The following PIK3R5 variants were observed in gnomAD, a reference collection of about 807,000 sequenced individuals.
The protein encoded by PIK3R5 is phosphoinositide-3-kinase regulatory subunit 5.
In PIK3R5, 32 loss-of-function variants were observed where a neutral mutation model predicts 94.9. The observed-to-expected ratio is 0.34, with a 90% CI of 0.25 to 0.45. The LOEUF is 0.45. Among genes scored for constraint, PIK3R5 ranks in the 20% least tolerant of loss-of-function variants. The pLI, the probability that PIK3R5 is intolerant of heterozygous loss-of-function variation, is 1.00. For synonymous variants in PIK3R5, 443 were observed against 479.4 expected (o/e 0.92, Z 0.99); for missense variants, 853 against 1,144.6 (o/e 0.75, Z 3.68).
intron 6 of PIK3R5, among the ~76,000 whole-genome samples, chr17:8,891,794 C>T (rs895640737): frequency 6.6e-6 from 1 of 151,324 alleles, no homozygotes; most frequent in African/African-American, 2.4e-5. Flanking sequence ...TTAGTAGAGA[C>T]AGGGTTTCAA....
At position 8,888,047 on chromosome 17, in the gene PIK3R5, T is replaced by TAATAATAAA. The variant is rs1298718164; in HGVS notation, c.1616+123_1616+124insTTTATTATT. The TAATAATAAA allele has an allele frequency of 1.1e-4, 32 of 304,526 alleles. No individual in the cohort carries two copies. Among genetic ancestry groups the TAATAATAAA allele is most frequent in the African/African-American group, 1.7e-4 (7 of 41,344 alleles). The allele number at this position is 304,526 out of a possible 1,614,324, so 18.9% of individuals were successfully genotyped here. On this transcript the variant is annotated intron_variant, in intron 10 of 18. Transcript: ENST00000447110. The surrounding 1 kb of genome is among the most constrained non-coding windows in gnomAD (Gnocchi z 7.8). ...ATAATAATAATAATAATAATAATAA[T>TAATAATAAA]AAAATAAAAATAAATAAGGGAACTT...
Position 8,888,747 on chromosome 17 carries a change from A to G in PIK3R5, c.1040T>C (p.Leu347Pro). Residue 347 changes from leucine (L) to proline (P), a missense_variant, in exon 10 of 19, where the codon CTC becomes CCC. Physicochemically the swap from Leu to Pro is moderately conservative, Grantham distance 98 (BLOSUM62 -3). This residue lies in a region of PIK3R5 where 161 missense variants were observed against 249.5 expected (regional missense o/e 0.65). Transcript: ENST00000447110. The surrounding 1 kb of genome is among the most constrained non-coding windows in gnomAD (Gnocchi z 7.8). ...DGHCAERDSLLSTSSLASHDS... is the reference protein window; with the variant it reads ...DGHCAERDSLPSTSSLASHDS... ...ATGGGACGCCAAAGAGCTGGTGGAG[A>G]GCAGGGAATCTCTCTCGGCACAGTG... The G allele has an allele frequency of 6.2e-7, 1 of 1,613,628 alleles. No homozygotes were observed. Among genetic ancestry groups the G allele is most frequent in the Non-Finnish European group, 8.5e-7 (1 of 1,180,006 alleles).
chr17:8,952,249 C>A (rs2091389273), intron 1 of PIK3R5, among the ~76,000 whole-genome samples: 1 of 152,236 alleles, frequency 6.6e-6, no homozygotes, highest in South Asian at 2.1e-4. Context: ...TCCAATCCAA[C>A]AGAGAAACCA....
At chr17:8,929,191 A>G (rs2090943769) in intron 1 of PIK3R5, among the ~76,000 whole-genome samples, 1 of 152,226 alleles carries the variant, frequency 6.6e-6, no homozygotes. Context: ...AAAATAGCAG[A>G]CTTGAGCCCT....
intron 1 of PIK3R5, among the ~76,000 whole-genome samples, chr17:8,921,847 G>A (rs2090754312): frequency 6.6e-6 from 1 of 152,070 alleles, no homozygotes; most frequent in African/African-American, 2.4e-5. Flanking sequence ...ATTGGGGGAA[G>A]CTTCATCACA....
At chr17:8,897,821 A>C (rs366259) in intron 5 of PIK3R5, among the ~76,000 whole-genome samples, 112,420 of 152,082 alleles carry the variant, frequency 0.74, 42,811 homozygotes, top group African/African-American at 0.93. Context: ...GAAGATGGTG[A>C]CTTTTGCCAA....
intron 1 of PIK3R5, among the ~76,000 whole-genome samples, chr17:8,961,481 A>C (rs2091562991): frequency 6.6e-6 from 1 of 152,148 alleles, no homozygotes; most frequent in Non-Finnish European, 1.5e-5. Flanking sequence ...CTAAAAATAC[A>C]AAAATTAGCC....
chr17:8,880,525 T>C lies in PIK3R5; in HGVS notation c.*114A>G. On this transcript the variant is annotated 3_prime_UTR_variant, in exon 19 of 19. Coordinates refer to ENST00000447110, the MANE Select transcript of PIK3R5 (RefSeq NM_001142633.3). ...CCCCTGCTCATTGCAGGACCCACAG[T>C]GGGACTATGGCTCTGCACAGGGCCA... 1.8e-6 allele frequency: 2 copies of C among 1,082,660 alleles called. No individual in the cohort carries two copies. The highest frequency in any genetic ancestry group is 1.9e-5 in the South Asian group (1 of 53,184). 67.1% of individuals were successfully genotyped at this position (1,082,660 alleles called of 1,614,324 possible). A position where few individuals can be genotyped will look rare whatever the true frequency, so the allele number is the denominator to read the frequency against.
chr17:8,881,528 C>T lies in PIK3R5; in HGVS notation c.2382+102G>A, dbSNP rs2089658442. 1.1e-6 allele frequency: 1 copy of T among 886,046 alleles called. No individual in the cohort carries two copies. The allele number at this position is 886,046 out of a possible 1,614,324, so 54.9% of individuals were successfully genotyped here. On this transcript the variant is annotated intron_variant, in intron 17 of 18. Coordinates refer to ENST00000447110, the MANE Select transcript of PIK3R5 (RefSeq NM_001142633.3). This position sits in a 1 kb window ranked among gnomAD's most constrained non-coding sequence, Gnocchi z 4.8. ...GTACACACGGGTGTGTATGTGCACA[C>T]ATGCACACACATACATGTGCACACA...
Position 8,887,566 on chromosome 17 carries a change from C to A in PIK3R5, c.1734G>T (p.Gln578His). The A allele has an allele frequency of 1.2e-6, 2 of 1,608,728 alleles. No individual in the cohort carries two copies. Among genetic ancestry groups the A allele is most frequent in the South Asian group, 2.2e-5 (2 of 89,898 alleles). ...SPGACPPPRSQTPSPPTDSPR... is the reference protein window; with the variant it reads ...SPGACPPPRSHTPSPPTDSPR... Reference sequence around the variant, plus strand: ...GGGAGTCTGTCGGGGGTGAGGGCGTCTGGCTCCGAGGGGGTGGACAGGCAC... The same window carrying A: ...GGGAGTCTGTCGGGGGTGAGGGCGTATGGCTCCGAGGGGGTGGACAGGCAC... Residue 578 changes from glutamine (Q) to histidine (H), a missense_variant, in exon 11 of 19, where the codon CAG (glutamine) becomes CAT (histidine). Physicochemically the swap from Gln to His is conservative, Grantham distance 24. This residue lies in a region of PIK3R5 where 319 missense variants were observed against 339.8 expected (regional missense o/e 0.94). Coordinates refer to ENST00000447110, the MANE Select transcript of PIK3R5 (RefSeq NM_001142633.3).
intron 1 of PIK3R5, among the ~76,000 whole-genome samples, chr17:8,959,616 C>T (rs1406584062): frequency 2.6e-5 from 4 of 152,164 alleles, no homozygotes; most frequent in South Asian, 2.1e-4. Context: ...CTGGCTGGCT[C>T]GGCCAGGTTG....
intron 5 of PIK3R5, among the ~76,000 whole-genome samples, chr17:8,894,298 C>G (rs550483848): frequency 6.6e-6 from 1 of 152,338 alleles, no homozygotes; most frequent in South Asian, 2.1e-4. Context: ...GGCTACTCCT[C>G]GGTCCCTGCC....
At chr17:8,933,473 T>C (rs1178272297) in intron 1 of PIK3R5, among the ~76,000 whole-genome samples, 2 of 152,132 alleles carry the variant, frequency 1.3e-5, no homozygotes, top group Non-Finnish European at 2.9e-5. Flanking sequence ...TATCAAACCT[T>C]TAAGAAAGAA....
chr17:8,927,201 C>T (rs1451359297), intron 1 of PIK3R5, among the ~76,000 whole-genome samples: 1 of 152,232 alleles, frequency 6.6e-6, no homozygotes, highest in Non-Finnish European at 1.5e-5. Flanking sequence ...AAAGCCTGCT[C>T]TCTCTAGCCA....
In PIK3R5 at chr17:8,889,245, A is replaced by G. The variant is rs1461279817; in HGVS notation, c.812-23T>C. 1.9e-6 allele frequency: 3 copies of G among 1,593,040 alleles called. No homozygotes were observed. In the African/African-American group the frequency reaches 4.0e-5, roughly 21 times the overall value. Reference sequence around the variant, plus strand: ...TGTCTGTAAGAACAGGGAGGATAGGAGAAGAGGGCTGGGAAGAGGCCTTGG... The same window carrying G: ...TGTCTGTAAGAACAGGGAGGATAGGGGAAGAGGGCTGGGAAGAGGCCTTGG... On this transcript the variant is annotated intron_variant, in intron 8 of 18. Transcript: ENST00000447110. This position sits in a 1 kb window ranked among gnomAD's most constrained non-coding sequence, Gnocchi z 4.1.
intron 1 of PIK3R5, among the ~76,000 whole-genome samples, chr17:8,929,791 G>A (rs937348692): frequency 1.3e-5 from 2 of 151,888 alleles, no homozygotes; most frequent in South Asian, 2.1e-4. Context: ...GTTGTATAAC[G>A]GACATTGGAG....
In PIK3R5 at chr17:8,886,342, G is replaced by A. The variant is rs1221453358; in HGVS notation, c.2035-20C>T. ...GGTCAGCTGGAGAGGGCAGGAGCAT[G>A]TACATCAGTGTGAACCTCCTGGAGG... On this transcript the variant is annotated intron_variant, in intron 13 of 18. Coordinates refer to ENST00000447110, the MANE Select transcript of PIK3R5 (RefSeq NM_001142633.3). The A allele has an allele frequency of 1.2e-6, 2 of 1,604,472 alleles. No homozygotes were observed. Among genetic ancestry groups the A allele is most frequent in the South Asian group, 2.2e-5 (2 of 90,886 alleles).
chr17:8,893,056 G>C lies in PIK3R5; in HGVS notation c.482+530C>G, dbSNP rs2090064879. On this transcript the variant is annotated intron_variant, in intron 6 of 18. Coordinates refer to ENST00000447110, the MANE Select transcript of PIK3R5 (RefSeq NM_001142633.3). This position sits in a 1 kb window ranked among gnomAD's most constrained non-coding sequence, Gnocchi z 5.1. ...TACATTTCATTTCAGCTGTGTGTGT[G>C]TGTGTGTGTGTGTGTGTGTGTGTGT... 7.5e-6 allele frequency among the ~76,000 whole-genome samples: 1 copy of C among 133,600 alleles called. No individual in the cohort carries two copies. The highest frequency in any genetic ancestry group is 1.5e-5 in the Non-Finnish European group (1 of 64,856). 87.6% of individuals were successfully genotyped at this position (133,600 alleles called of 152,430 possible).
chr17:8,916,825 G>T (rs2090640096), intron 1 of PIK3R5: 1 of 152,346 alleles, frequency 6.6e-6, no homozygotes. Flanking sequence ...GATGGGGCAG[G>T]GAGGAGAGCC....
Sources: allele counts gnomAD v4.1 joint callset (sites outside exome capture counted in the v4.1 genomes callset), GRCh38; gene constraint gnomAD v4.1.1; regional missense constraint gnomAD v4.1.1; non-coding constraint Gnocchi (gnomAD v3.1); transcripts MANE v1.5; gene names NCBI Gene and HGNC (gene_info 2026-07-23, HGNC 2026-07-21).